AGBL1: variants seen among roughly 807,000 people sequenced by gnomAD.
AGBL1 encodes AGBL carboxypeptidase 1.
Under a neutral mutation model 118.9 loss-of-function variants are expected in AGBL1, and 130 were observed. That is an observed-to-expected ratio of 1.09 (90% CI 0.95 to 1.26). AGBL1 has a LOEUF of 1.26. Among genes scored for constraint, AGBL1 ranks in the 50% most tolerant of loss-of-function variants. The pLI is 0.00. For missense variants in AGBL1, 1,584 were observed against 1,298.1 expected, an observed-to-expected ratio of 1.22 and a Z score of -3.38; for synonymous variants, 555 against 478.9, an observed-to-expected ratio of 1.16 and a Z score of -2.08.
chr15:86,786,734 T>C (rs1298827380), intron 22 of AGBL1, among the ~76,000 whole-genome samples: 2 of 152,246 alleles, frequency 1.3e-5, no homozygotes. Flanking sequence ...GCATGTGTTC[T>C]TGAGACATAT....
At chr15:86,707,782 C>A (rs1172410983) in intron 22 of AGBL1, among the ~76,000 whole-genome samples, 2 of 152,116 alleles carry the variant, frequency 1.3e-5, no homozygotes, top group Admixed American at 6.6e-5. Flanking sequence ...ATGAGATCTT[C>A]TGAGCATTTT....
At chr15:86,244,524 G>A (rs568176827) in intron 6 of AGBL1, among the ~76,000 whole-genome samples, 4 of 139,506 alleles carry the variant, frequency 2.9e-5, no homozygotes, top group South Asian at 4.6e-4. Context: ...GTGTAGGGTC[G>A]CGGGGGAAGG....
At chr15:86,351,195 C>A (rs1476686409) in intron 17 of AGBL1, among the ~76,000 whole-genome samples, 1 of 152,124 alleles carries the variant, frequency 6.6e-6, no homozygotes, top group Non-Finnish European at 1.5e-5. Context: ...GGGTCTTCTT[C>A]TTGCATTATC....
At chr15:86,554,315 T>C in intron 20 of AGBL1, 46 bp from the exon 21 acceptor site, 1 of 1,449,206 alleles carries the variant, frequency 6.9e-7, no homozygotes, top group Non-Finnish European at 9.3e-7. Context: ...TGACTATCCC[T>C]AGTCACCCAC....
At chr15:86,476,549 C>T (rs891964030) in intron 18 of AGBL1, among the ~76,000 whole-genome samples, 3 of 152,174 alleles carry the variant, frequency 2.0e-5, no homozygotes, top group Non-Finnish European at 4.4e-5. Context: ...AATATATATG[C>T]ACCCAATACA....
chr15:86,530,584 G>A (rs1596232227), intron 19 of AGBL1, among the ~76,000 whole-genome samples: 1 of 149,710 alleles, frequency 6.7e-6, no homozygotes, highest in Middle Eastern at 3.4e-3. Context: ...CCCAGGAATT[G>A]AACTCAGCTC....
At chr15:86,745,653 T>A (rs888070275) in intron 22 of AGBL1, among the ~76,000 whole-genome samples, 13 of 152,068 alleles carry the variant, frequency 8.5e-5, no homozygotes, top group Non-Finnish European at 1.8e-4. Flanking sequence ...CACCTCCCGA[T>A]TTTATCTGTG....
intron 22 of AGBL1, among the ~76,000 whole-genome samples, chr15:86,849,389 C>T (rs1348449772): frequency 6.6e-6 from 1 of 152,170 alleles, no homozygotes; most frequent in Non-Finnish European, 1.5e-5. Context: ...TACTAGAAGA[C>T]CTGCACACAA....
chr15:86,350,653 A>G (rs7168699), intron 17 of AGBL1, among the ~76,000 whole-genome samples: 3,668 of 152,304 alleles, frequency 0.024, 59 homozygotes, highest in Middle Eastern at 0.071. Context: ...ATGATGGGCC[A>G]TGGTCTCAGG....
At chr15:86,301,116 C>A (rs1407944449) in intron 17 of AGBL1, among the ~76,000 whole-genome samples, 1 of 152,138 alleles carries the variant, frequency 6.6e-6, no homozygotes, top group African/African-American at 2.4e-5. Flanking sequence ...GAAGTGACAA[C>A]AGTGGTTGGT....
chr15:86,698,368 A>T (rs1417583910), intron 22 of AGBL1, among the ~76,000 whole-genome samples: 1 of 151,978 alleles, frequency 6.6e-6, no homozygotes, highest in Non-Finnish European at 1.5e-5. Context: ...TTATTTTTAT[A>T]GAAAAGGATA....
chr15:86,131,626 T>G (rs572382615), intron 1 of AGBL1, among the ~76,000 whole-genome samples: 1 of 152,150 alleles, frequency 6.6e-6, no homozygotes, highest in Non-Finnish European at 1.5e-5. Context: ...AAATGGTGTC[T>G]GAAACAAGGT....
At chr15:86,125,856 G>A (rs893343965) in intron 1 of AGBL1, among the ~76,000 whole-genome samples, 17 of 152,224 alleles carry the variant, frequency 1.1e-4, no homozygotes, top group African/African-American at 4.1e-4. Context: ...TTAAGTGGGA[G>A]CATTGAACTA....
chr15:86,082,516 G>A (rs1414016450), intron 1 of AGBL1, among the ~76,000 whole-genome samples: 1 of 152,196 alleles, frequency 6.6e-6, no homozygotes, highest in Non-Finnish European at 1.5e-5. Flanking sequence ...AGATTGGAGG[G>A]ACAGAAAAGG....
At chr15:86,302,509 G>T (rs34170085) in intron 17 of AGBL1, among the ~76,000 whole-genome samples, 6,213 of 152,092 alleles carry the variant, frequency 0.041, 163 homozygotes, top group South Asian at 0.075. Flanking sequence ...AGGTGTGGTG[G>T]CTCATGCCTG....
At chr15:86,380,171 T>G (rs1443154648) in intron 17 of AGBL1, among the ~76,000 whole-genome samples, 2 of 152,040 alleles carry the variant, frequency 1.3e-5, no homozygotes, top group African/African-American at 4.8e-5. Flanking sequence ...ATAGACAACT[T>G]TGGTCACACA....
intron 18 of AGBL1, among the ~76,000 whole-genome samples, chr15:86,497,151 T>C (rs2082864454): frequency 6.6e-6 from 1 of 152,046 alleles, no homozygotes; most frequent in South Asian, 2.1e-4. Context: ...TAAGACTTAT[T>C]TGAAGCAAAG....
chr15:86,735,642 T>A (rs2077582601), intron 22 of AGBL1, among the ~76,000 whole-genome samples: 1 of 120,174 alleles, frequency 8.3e-6, no homozygotes, highest in Non-Finnish European at 1.7e-5. Context: ...GTGTATTTCC[T>A]GCTACAAAGA....
chr15:86,414,182 A>T (rs1339919616), intron 18 of AGBL1, among the ~76,000 whole-genome samples: 1 of 152,144 alleles, frequency 6.6e-6, no homozygotes, highest in Admixed American at 6.6e-5. Context: ...AAGGATAGCG[A>T]GGTGAGGAGG....
Sources: gnomAD v4.1 joint callset for allele counts (sites outside exome capture counted in the v4.1 genomes callset) on GRCh38, gnomAD v4.1.1 for gene constraint, MANE v1.5 for transcripts, NCBI Gene and HGNC (gene_info 2026-07-23, HGNC 2026-07-21) for gene names.